Variants in FRY observed in about 807,000 individuals in gnomAD.
FRY encodes FRY microtubule binding protein, also known as protein furry homolog.
Under a neutral mutation model 348.4 loss-of-function variants are expected in FRY, and 128 were observed. The ratio of observed to expected loss-of-function variants is 0.37; its 90% CI spans 0.32 to 0.43. The LOEUF is 0.43. Among genes scored for constraint, FRY ranks in the 20% least tolerant of loss-of-function variants. FRY has a pLI of 1.00. For synonymous variants in FRY, 1,370 were observed against 1,374.7 expected, an observed-to-expected ratio of 1.00 and a Z score of 0.08; for missense variants, 2,736 against 3,695.2, an observed-to-expected ratio of 0.74 and a Z score of 6.73.
chr13:32,117,545 GT>G, intron 4 of FRY, 72 bp downstream of exon 4: 1 of 1,516,604 alleles, frequency 6.6e-7, no homozygotes, highest in Non-Finnish European at 9.1e-7. Flanking sequence ...CAAAATTAGA[GT>G]TACAAGGCAA....
intron 2 of FRY, among the ~76,000 whole-genome samples, chr13:32,094,995 T>C (rs1050140403): frequency 1.3e-5 from 2 of 152,208 alleles, no homozygotes; most frequent in Non-Finnish European, 2.9e-5. Context: ...CTTTTCTCCA[T>C]ATGCTTGCCA....
At chr13:32,042,142 C>A (rs1872775148) in intron 1 of FRY, among the ~76,000 whole-genome samples, 1 of 151,576 alleles carries the variant, frequency 6.6e-6, no homozygotes, top group African/African-American at 2.4e-5. Context: ...ATATTGTCTA[C>A]CATTAGTCAA....
intron 31 of FRY, among the ~76,000 whole-genome samples, chr13:32,207,154 T>C (rs2138345050): frequency 6.6e-6 from 1 of 152,322 alleles, no homozygotes; most frequent in Non-Finnish European, 1.5e-5. Flanking sequence ...ATGTAATGCA[T>C]AAGTCTTTGC....
At chr13:32,169,897 A>G (rs1881957523) in intron 17 of FRY, among the ~76,000 whole-genome samples, 1 of 152,230 alleles carries the variant, frequency 6.6e-6, no homozygotes, top group African/African-American at 2.4e-5. Flanking sequence ...CCACAGATAC[A>G]CTAGAATTCT....
intron 59 of FRY, chr13:32,292,007 T>C: frequency 2.2e-6 from 1 of 450,956 alleles, no homozygotes; most frequent in Non-Finnish European, 4.4e-6. Flanking sequence ...TTTTGAGATG[T>C]AGTTGCACTC....
At position 32,202,409 on chromosome 13, in the gene FRY, G is replaced by A. The variant is rs374349921; in HGVS notation, c.3900G>A (p.Pro1300=). 227 of 1,613,814 alleles carry A rather than the reference G, an allele frequency of 1.4e-4. No homozygotes were observed. The highest frequency in any genetic ancestry group is 1.7e-4 in the Non-Finnish European group (200 of 1,179,918). Residue 1300 remains proline, a synonymous_variant, in exon 31 of 61, where the codon CCG becomes CCA. Transcript: ENST00000542859. ...CAAAGAAAGTCGCTGAGCAAAGACC[G>A]GGAAGTATTCTCTATGGAACACACG... ...VYSKKVAEQR[P]GSILYGTHGP...
At position 32,262,460 on chromosome 13, in the gene FRY, T is replaced by C. The variant is rs764151494; in HGVS notation, c.7764T>C (p.Ile2588=). ...ASLPDMNNLQ[I]SEGSKAEAVR... Reference sequence around the variant, plus strand: ...TGCCTGATATGAATAATCTGCAGATTTCTGAGGGTTCAAAGGTGAAGAGAT... The same window carrying C: ...TGCCTGATATGAATAATCTGCAGATCTCTGAGGGTTCAAAGGTGAAGAGAT... The change falls in exon 53 of 61, where the codon ATT becomes ATC. Residue 2588 remains isoleucine (I), a synonymous_variant. Coordinates refer to ENST00000542859, the MANE Select transcript of FRY (RefSeq NM_023037.3). 1 of 1,613,216 alleles carries C rather than the reference T, an allele frequency of 6.2e-7. No individual in the cohort carries two copies. Among genetic ancestry groups the C allele is most frequent in the South Asian group, 1.1e-5 (1 of 91,052 alleles).
intron 1 of FRY, among the ~76,000 whole-genome samples, chr13:32,068,724 T>G (rs754289034): frequency 1.3e-5 from 2 of 152,198 alleles, no homozygotes; most frequent in Non-Finnish European, 2.9e-5. Flanking sequence ...AAAATGGTTT[T>G]GAGAGAACAT....
In FRY at chr13:32,251,897, T is replaced by C; in HGVS notation, c.7190T>C (p.Leu2397Ser). The change falls in exon 50 of 61, where the codon TTG becomes TCG. Residue 2397 changes from leucine (L) to serine (S), a missense_variant. Transcript: ENST00000542859. ...QYSQKRTKEKLVHVLSLCGQE... is the reference protein window; with the variant it reads ...QYSQKRTKEKSVHVLSLCGQE... ...TTCCAGAAGAGAACAAAAGAGAAGT[T>C]GGTACATGTCCTTTCTCTGTGTGGC... The C allele has an allele frequency of 6.2e-7, 1 of 1,612,808 alleles. No individual in the cohort carries two copies. The highest frequency in any genetic ancestry group is 1.3e-5 in the African/African-American group (1 of 75,024).
intron 1 of FRY, among the ~76,000 whole-genome samples, chr13:32,033,259 C>T (rs1296445912): frequency 1.3e-5 from 2 of 152,114 alleles, no homozygotes; most frequent in African/African-American, 4.8e-5. Flanking sequence ...TGTCTATCTG[C>T]TCTTTGATTA....
At chr13:32,093,042 T>C (rs1876433405) in intron 2 of FRY, among the ~76,000 whole-genome samples, 1 of 152,206 alleles carries the variant, frequency 6.6e-6, no homozygotes. Context: ...AATAGCACAA[T>C]GAACCTAATG....
intron 14 of FRY, 92 bp downstream of exon 14, chr13:32,149,926 T>C: frequency 1.3e-6 from 1 of 782,226 alleles, no homozygotes; most frequent in Non-Finnish European, 2.3e-6. Flanking sequence ...ATGAGGGATG[T>C]CTTCTCACAA....
chr13:32,166,565 T>A (rs1881749921), intron 17 of FRY, among the ~76,000 whole-genome samples: 1 of 152,168 alleles, frequency 6.6e-6, no homozygotes, highest in Non-Finnish European at 1.5e-5. Flanking sequence ...TAATGTAAAA[T>A]CCCATGTGTT....
chr13:32,251,996 CT>C, intron 50 of FRY, 44 bp downstream of exon 50: 1 of 1,274,874 alleles, frequency 7.8e-7, no homozygotes, highest in Non-Finnish European at 1.1e-6. Context: ...GTCATATCTC[CT>C]TTTTCATTGG....
intron 40 of FRY, among the ~76,000 whole-genome samples, chr13:32,229,054 A>G (rs1885769450): frequency 6.6e-6 from 1 of 152,216 alleles, no homozygotes; most frequent in Admixed American, 6.5e-5. Flanking sequence ...ATTAGCCATG[A>G]TCAACCCAGA....
At chr13:32,132,586 T>A in intron 8 of FRY, among the ~76,000 whole-genome samples, 1 of 152,218 alleles carries the variant, frequency 6.6e-6, no homozygotes, top group Non-Finnish European at 1.5e-5. Context: ...GCACAGCCAC[T>A]TTGGCACAGC....
rs769465756 is a variant in FRY at position 32,261,728 on chromosome 13, G to A, written c.7529G>A (p.Ser2510Asn). ...CGCCAACTGTCAGGAAGCACTCCTA[G>A]CCTGAATAAAATGCACCATGAGGAC... is the stretch of plus-strand genomic sequence containing the variant. ...EERQLSGSTP[S>N]LNKMHHEDSD... The change falls in exon 52 of 61, where the codon AGC (serine) becomes AAC (asparagine). Residue 2510 changes from serine (S) to asparagine (N), a missense_variant. Transcript: ENST00000542859. 1 of 1,614,140 alleles carries A rather than the reference G, an allele frequency of 6.2e-7. No homozygotes were observed. The highest frequency in any genetic ancestry group is 1.3e-5 in the African/African-American group (1 of 75,034).
intron 28 of FRY, among the ~76,000 whole-genome samples, chr13:32,193,891 C>G (rs1883510722): frequency 6.6e-6 from 1 of 152,148 alleles, no homozygotes; most frequent in African/African-American, 2.4e-5. Context: ...CCCAGCCACT[C>G]CTTTCCAGAG....
chr13:32,220,329 G>A (rs1885249597), intron 36 of FRY, among the ~76,000 whole-genome samples: 2 of 152,188 alleles, frequency 1.3e-5, no homozygotes, highest in South Asian at 2.1e-4. Flanking sequence ...ACTAATGGAA[G>A]GCGTGTCTAG....
Sources: allele counts gnomAD v4.1 joint callset (sites outside exome capture counted in the v4.1 genomes callset), GRCh38; gene constraint gnomAD v4.1.1; transcripts MANE v1.5; gene names NCBI Gene and HGNC (gene_info 2026-07-23, HGNC 2026-07-21).